PDE9A: variants seen among roughly 807,000 people sequenced by gnomAD.
PDE9A encodes high affinity cGMP-specific 3',5'-cyclic phosphodiesterase 9A.
Under a neutral mutation model 87.4 loss-of-function variants are expected in PDE9A, and 60 were observed. The ratio of observed to expected loss-of-function variants is 0.69; its 90% CI spans 0.56 to 0.85. The LOEUF (loss-of-function observed/expected upper bound fraction) is 0.85, where lower values mean the gene tolerates loss of function less well. Ranked by LOEUF, PDE9A falls within the 40% of genes least tolerant of loss-of-function variation. The pLI is 0.00. For missense variants in PDE9A, 665 were observed against 779.0 expected (o/e 0.85, Z 1.74); for synonymous variants, 272 against 279.4 (o/e 0.97, Z 0.27).
rs1278758372 is a variant in PDE9A at position 42,768,284 on chromosome 21, T to G, written c.1453T>G (p.Phe485Val). The change falls in exon 16 of 20, where the codon TTT (phenylalanine) becomes GTT (valine). Residue 485 changes from phenylalanine to valine, a missense_variant. Physicochemically the swap from Phe to Val is conservative, Grantham distance 50. Transcript: ENST00000291539. ...PWVDCLLEEY[F>V]MQSDREKSEG... ...GGTGGACTGTTTATTAGAGGAATAT[T>G]TTATGCAGGTAAGAGTCTTGCAGAG... The G allele has an allele frequency of 6.3e-6, 10 of 1,576,028 alleles. No individual in the cohort carries two copies. Among genetic ancestry groups the G allele is most frequent in the Non-Finnish European group, 8.7e-6 (10 of 1,145,460 alleles).
At chr21:42,768,981 G>A (rs569720657) in intron 16 of PDE9A, 46 bp from the exon 17 acceptor site, 1 of 1,575,684 alleles carries the variant, frequency 6.3e-7, no homozygotes, top group African/African-American at 1.3e-5. Context: ...ATCTGGTTAT[G>A]GGGCATTTCT....
chr21:42,717,900 G>GGGTTTTTTGTTC (rs61523493), intron 4 of PDE9A, among the ~76,000 whole-genome samples: 1 of 150,790 alleles, frequency 6.6e-6, no homozygotes, highest in Non-Finnish European at 1.5e-5. Flanking sequence ...CTTTCTTTGG[G>GGGTTTTTTGTTC]GTTTGTTTGT....
At chr21:42,757,573 TG>T (rs1024493680) in intron 10 of PDE9A, 47 of 152,346 alleles carry the variant, frequency 3.1e-4, no homozygotes, top group African/African-American at 9.6e-4. Flanking sequence ...GTTCTGGAGC[TG>T]GAAGTCCAGG....
chr21:42,684,525 TC>T (rs1302322819), intron 1 of PDE9A, among the ~76,000 whole-genome samples: 3 of 152,184 alleles, frequency 2.0e-5, no homozygotes, highest in Non-Finnish European at 4.4e-5. Flanking sequence ...AGTGCAGGAC[TC>T]CTCGGCAGTG....
At chr21:42,753,853 C>T (rs1222756404) in intron 9 of PDE9A, 137 bp from the exon 10 acceptor site, 1 of 532,322 alleles carries the variant, frequency 1.9e-6, no homozygotes, top group African/African-American at 2.3e-5. Context: ...AAGAGTGAGA[C>T]TCTATCTCAA....
chr21:42,724,504 G>C (rs778684797), intron 4 of PDE9A: 1 of 639,524 alleles, frequency 1.6e-6, no homozygotes, highest in Non-Finnish European at 1.9e-6. Flanking sequence ...TTGTGGATGC[G>C]TGGGTGTGGT....
chr21:42,720,087 C>G (rs2050345121), intron 4 of PDE9A, among the ~76,000 whole-genome samples: 2 of 152,232 alleles, frequency 1.3e-5, no homozygotes. Context: ...CACACACAGG[C>G]TGTCAGATAA....
rs1312270620 is a variant in PDE9A at position 42,660,931 on chromosome 21, T to C, written c.69+7048T>C. ...CGAAGCTGGTCACGCAACGGGAGCATTGGCCCTGAACAGAAACCCGCAGTA... is the reference window on the plus strand; with the variant it reads ...CGAAGCTGGTCACGCAACGGGAGCACTGGCCCTGAACAGAAACCCGCAGTA... On this transcript the variant is annotated intron_variant, in intron 1 of 19. Transcript: ENST00000291539. The surrounding 1 kb of genome is among the most constrained non-coding windows in gnomAD (Gnocchi z 4.7). Among the ~76,000 whole-genome samples, 2 of 152,244 alleles carry C rather than the reference T, an allele frequency of 1.3e-5. No homozygotes were observed. The highest frequency in any genetic ancestry group is 2.9e-5 in the Non-Finnish European group (2 of 68,006).
rs1369626921 is a variant in PDE9A at position 42,759,019 on chromosome 21, C to T, written c.831C>T (p.His277=). Residue 277 remains histidine, a synonymous_variant, in exon 11 of 20, where the codon CAC becomes CAT. Coordinates refer to ENST00000291539, the MANE Select transcript of PDE9A (RefSeq NM_002606.3). This position sits in a 1 kb window ranked among gnomAD's most constrained non-coding sequence, Gnocchi z 7.2. ...EPNEMLSCLE[H]MYHDLGLVRD... is the part of the protein sequence containing the mutation. Reference sequence around the variant, plus strand: ...CACAGATGCTGAGCTGCCTGGAGCACATGTACCACGACCTCGGGCTGGTCA... The same window carrying T: ...CACAGATGCTGAGCTGCCTGGAGCATATGTACCACGACCTCGGGCTGGTCA... The T allele has an allele frequency of 6.2e-7, 1 of 1,613,894 alleles. No individual in the cohort carries two copies. The highest frequency in any genetic ancestry group is 1.3e-5 in the African/African-American group (1 of 74,918).
At chr21:42,747,767 G>A (rs1024900278) in intron 8 of PDE9A, among the ~76,000 whole-genome samples, 19 of 152,254 alleles carry the variant, frequency 1.2e-4, no homozygotes, top group Non-Finnish European at 1.5e-5. Context: ...GGTTCACCCA[G>A]AGCTGGGGAG....
chr21:42,770,492 G>A (rs1250415386), intron 17 of PDE9A, among the ~76,000 whole-genome samples: 1 of 152,160 alleles, frequency 6.6e-6, no homozygotes, highest in Non-Finnish European at 1.5e-5. Flanking sequence ...CAGGAGGCAG[G>A]AAGGGGACTT....
intron 14 of PDE9A, 34 bp downstream of exon 14, chr21:42,762,273 G>A: frequency 6.2e-7 from 1 of 1,605,286 alleles, no homozygotes; most frequent in South Asian, 1.1e-5. Flanking sequence ...ACCGGAGTGG[G>A]GGCACATTCA....
chr21:42,731,818 G>A lies in PDE9A; in HGVS notation c.311G>A (p.Arg104Lys), dbSNP rs559304227. ...ACAAGCCGTGGCCAGTCTGCTGAGA[G>A]ACCACTGAGGGACAGACGGGTTGTG... ...RTTSRGQSAE[R>K]PLRDRRVVGL... The change falls in exon 5 of 20, where the codon AGA (arginine) becomes AAA (lysine). Residue 104 changes from arginine (R) to lysine (K), a missense_variant. Coordinates refer to ENST00000291539, the MANE Select transcript of PDE9A (RefSeq NM_002606.3). 1.2e-5 allele frequency: 19 copies of A among 1,614,218 alleles called. No homozygotes were observed. In the South Asian group the frequency reaches 2.1e-4, roughly 18 times the overall value.
chr21:42,773,319 G>C lies in PDE9A; in HGVS notation c.1768+799G>C, dbSNP rs542874581. On this transcript the variant is annotated intron_variant, in intron 19 of 19. Coordinates refer to ENST00000291539, the MANE Select transcript of PDE9A (RefSeq NM_002606.3). ...GAAGGGGAACATGCTTTAGTTAATAGAAAAACATCAATAATTAGCATATGT... is the reference window on the plus strand; with the variant it reads ...GAAGGGGAACATGCTTTAGTTAATACAAAAACATCAATAATTAGCATATGT... 1.0e-3 allele frequency among the ~76,000 whole-genome samples: 153 copies of C among 148,100 alleles called. 1 individual carries two copies. Among genetic ancestry groups the C allele is most frequent in the Middle Eastern group, 3.6e-3 (1 of 276 alleles).
intron 3 of PDE9A, among the ~76,000 whole-genome samples, chr21:42,689,321 C>T (rs931695467): frequency 7.9e-5 from 12 of 152,256 alleles, no homozygotes; most frequent in African/African-American, 2.4e-4. Context: ...CCAGGATGCC[C>T]GTCTCCTGCC....
At chr21:42,678,759 G>T (rs1186488866) in intron 1 of PDE9A, among the ~76,000 whole-genome samples, 1 of 152,222 alleles carries the variant, frequency 6.6e-6, no homozygotes, top group Non-Finnish European at 1.5e-5. Context: ...TTCTTCCGGC[G>T]GCCACCTCCC....
intron 7 of PDE9A, among the ~76,000 whole-genome samples, chr21:42,738,875 C>T (rs571482694): frequency 6.6e-6 from 1 of 152,242 alleles, no homozygotes; most frequent in African/African-American, 2.4e-5. Flanking sequence ...TTAGTGGAGA[C>T]GGGGTTTCAT....
At chr21:42,726,016 G>C (rs8128066) in intron 4 of PDE9A, among the ~76,000 whole-genome samples, 4,828 of 152,232 alleles carry the variant, frequency 0.032, 265 homozygotes, top group African/African-American at 0.11. Flanking sequence ...CATTTTGATA[G>C]GTGTGCAGTG....
At chr21:42,707,931 T>A (rs2048974043) in intron 4 of PDE9A, among the ~76,000 whole-genome samples, 1 of 152,216 alleles carries the variant, frequency 6.6e-6, no homozygotes, top group Non-Finnish European at 1.5e-5. Flanking sequence ...TTTGAATGGC[T>A]AAAGTTATGT....
Sources: gnomAD v4.1 joint callset for allele counts (sites outside exome capture counted in the v4.1 genomes callset) on GRCh38, gnomAD v4.1.1 for gene constraint, Gnocchi (gnomAD v3.1) non-coding constraint, MANE v1.5 for transcripts, NCBI Gene and HGNC (gene_info 2026-07-23, HGNC 2026-07-21) for gene names.